MCM9: variants seen among roughly 807,000 people sequenced by gnomAD.
MCM9 encodes minichromosome maintenance 9 homologous recombination repair factor.
MCM9 carries 55 observed loss-of-function variants against 72.8 expected under a neutral mutation model. The observed-to-expected ratio is 0.76, with a 90% confidence interval of 0.61 to 0.95. The LOEUF (loss-of-function observed/expected upper bound fraction) is 0.95. MCM9 is among the 40% of genes least tolerant of loss of function. The pLI is 0.00. For missense variants in MCM9, 1,279 were observed against 1,377.0 expected (o/e 0.93, Z 1.13); for synonymous variants, 480 against 503.4 (o/e 0.95, Z 0.62).
At chr6:118,897,696 C>T (rs559772317) in intron 8 of MCM9, among the ~76,000 whole-genome samples, 1 of 152,132 alleles carries the variant, frequency 6.6e-6, no homozygotes, top group African/African-American at 2.4e-5. Flanking sequence ...ATCATGATTA[C>T]TGTGATTAAA....
At chr6:118,932,883 T>C (rs1782551702) in intron 1 of MCM9, 143 bp from the exon 2 acceptor site, 1 of 152,306 alleles carries the variant, frequency 6.6e-6, no homozygotes, top group Admixed American at 6.5e-5. Flanking sequence ...TTAAAAAGTA[T>C]GTATCTACAG....
At chr6:118,890,830 G>C (rs1778896657) in intron 8 of MCM9, among the ~76,000 whole-genome samples, 1 of 152,022 alleles carries the variant, frequency 6.6e-6, no homozygotes, top group South Asian at 2.1e-4. Context: ...ATTAAAACAA[G>C]CCTTACATGA....
intron 13 of MCM9, among the ~76,000 whole-genome samples, chr6:118,817,174 G>T (rs1327149820): frequency 1.3e-5 from 2 of 151,962 alleles, no homozygotes; most frequent in African/African-American, 4.8e-5. Flanking sequence ...AGAACATGCA[G>T]GTTTGTTACA....
intron 8 of MCM9, among the ~76,000 whole-genome samples, chr6:118,886,281 G>A (rs1239466015): frequency 6.6e-6 from 1 of 151,950 alleles, no homozygotes; most frequent in Non-Finnish European, 1.5e-5. Context: ...AGACAGAGAT[G>A]TTTGCTGTCA....
In MCM9 at chr6:118,826,064, C is replaced by T. The variant is rs190066089; in HGVS notation, c.1961+83G>A. On this transcript the variant is annotated intron_variant, in intron 13 of 13. Transcript: ENST00000619706. ...CCAACACCTGATAGATAGATTTTTC[C>T]ACTTAATGCACACTTGCTTTGTTTC... 44 of 1,429,258 alleles carry T rather than the reference C, an allele frequency of 3.1e-5. No individual in the cohort carries two copies. The African/African-American group carries it at 4.9e-4, about 16-fold the overall frequency. The allele number at this position is 1,429,258 out of a possible 1,614,324, so 88.5% of individuals were successfully genotyped here.
At chr6:118,904,138 A>C (rs1780002960) in intron 8 of MCM9, among the ~76,000 whole-genome samples, 1 of 152,220 alleles carries the variant, frequency 6.6e-6, no homozygotes. Flanking sequence ...AGTGCAAATG[A>C]TAGGCTAGAG....
chr6:118,887,992 G>C (rs919086375), intron 8 of MCM9, among the ~76,000 whole-genome samples: 13 of 152,222 alleles, frequency 8.5e-5, no homozygotes, highest in Middle Eastern at 3.4e-3. Flanking sequence ...GTTCTCCACA[G>C]AAGATATACA....
chr6:118,872,853 A>T (rs1777693256), intron 8 of MCM9, among the ~76,000 whole-genome samples: 1 of 152,010 alleles, frequency 6.6e-6, no homozygotes, highest in Non-Finnish European at 1.5e-5. Context: ...AAAAAATTTA[A>T]TCAGAAGAGA....
At chr6:118,821,554 T>C (rs1004759310) in intron 13 of MCM9, among the ~76,000 whole-genome samples, 1 of 152,188 alleles carries the variant, frequency 6.6e-6, no homozygotes, top group African/African-American at 2.4e-5. Flanking sequence ...GCCCTTAACA[T>C]TTTTTCCTTC....
At chr6:118,870,185 C>T (rs1020790660) in intron 8 of MCM9, among the ~76,000 whole-genome samples, 8 of 152,186 alleles carry the variant, frequency 5.3e-5, no homozygotes, top group Middle Eastern at 3.2e-3. Context: ...TTCCACTCAA[C>T]AGCAGTAGAA....
In MCM9 at chr6:118,897,763, AC is replaced by A. The variant is rs566632494; in HGVS notation, c.1150+13886del. Among the ~76,000 whole-genome samples the A allele has an allele frequency of 4.9e-4, 75 of 152,240 alleles. 1 individual carries two copies. Among genetic ancestry groups the A allele is most frequent in the African/African-American group, 1.2e-3 (51 of 41,566 alleles). On this transcript the variant is annotated intron_variant, in intron 8 of 13. Coordinates refer to ENST00000619706, the MANE Select transcript of MCM9 (RefSeq NM_017696.3). ...TTCTTCACCTGAGAACTTATGTAAAACATCTGACCTTACCCTTCCTCCCTCA... is the reference window on the plus strand; with the variant it reads ...TTCTTCACCTGAGAACTTATGTAAAAATCTGACCTTACCCTTCCTCCCTCA...
intron 9 of MCM9, among the ~76,000 whole-genome samples, chr6:118,831,144 G>A (rs1455307417): frequency 1.3e-5 from 2 of 152,094 alleles, no homozygotes; most frequent in African/African-American, 2.4e-5. Context: ...CCAGAGCTCA[G>A]GAGTTTGAAA....
chr6:118,905,891 T>C, intron 8 of MCM9: 2 of 1,258,290 alleles, frequency 1.6e-6, no homozygotes, highest in South Asian at 1.5e-5. Flanking sequence ...CAGTTGCTAT[T>C]GCAATTTCAT....
At chr6:118,826,646 T>C (rs1774187441) in intron 12 of MCM9, 136 bp downstream of exon 12, 1 of 681,670 alleles carries the variant, frequency 1.5e-6, no homozygotes. Flanking sequence ...CGGTTACCTT[T>C]GGATATATTT....
chr6:118,840,878 C>T (rs1775320185), intron 9 of MCM9, among the ~76,000 whole-genome samples: 1 of 151,880 alleles, frequency 6.6e-6, no homozygotes, highest in Admixed American at 6.6e-5. Flanking sequence ...GCTGAGACTA[C>T]AGGCATGAGC....
chr6:118,884,734 A>G (rs763768089), intron 8 of MCM9, among the ~76,000 whole-genome samples: 9 of 152,362 alleles, frequency 5.9e-5, no homozygotes, highest in Admixed American at 2.0e-4. Flanking sequence ...ATGGAAAAAC[A>G]TACGTATGTA....
At chr6:118,931,244 C>T (rs1465891401) in intron 3 of MCM9, among the ~76,000 whole-genome samples, 176 bp downstream of exon 3, 2 of 152,314 alleles carry the variant, frequency 1.3e-5, no homozygotes, top group East Asian at 3.9e-4. Flanking sequence ...AAGACTCATA[C>T]TTCATGCCCA....
At chr6:118,910,748 T>C in intron 8 of MCM9, 4 of 985,444 alleles carry the variant, frequency 4.1e-6, no homozygotes, top group Non-Finnish European at 4.8e-6. Context: ...ATTCCAAAAA[T>C]CCATTCTTGT....
chr6:118,886,111 A>G (rs1778583319), intron 8 of MCM9, among the ~76,000 whole-genome samples: 1 of 152,068 alleles, frequency 6.6e-6, no homozygotes, highest in Non-Finnish European at 1.5e-5. Context: ...CAGGAAAAGC[A>G]TTTGACAAAA....
Sources: allele counts gnomAD v4.1 joint callset (sites outside exome capture counted in the v4.1 genomes callset), GRCh38; gene constraint gnomAD v4.1.1; transcripts MANE v1.5; gene names NCBI Gene and HGNC (gene_info 2026-07-23, HGNC 2026-07-21).